The following HYDIN variants were observed in gnomAD, a reference collection of about 807,000 sequenced individuals.
HYDIN encodes the protein axonemal central pair apparatus protein HYDIN.
A neutral mutation model predicts 403.9 loss-of-function variants in HYDIN; 132 were observed. That is an observed-to-expected ratio of 0.33 (90% CI 0.28 to 0.38). The LOEUF (loss-of-function observed/expected upper bound fraction) is 0.38, where lower values mean the gene tolerates loss of function less well. Ranked by LOEUF, HYDIN falls within the 10% of genes least tolerant of loss-of-function variation. The probability of loss-of-function intolerance (pLI) is 1.00; values close to 1 mark genes in which losing one functional copy is unlikely to be tolerated. For missense variants in HYDIN, 2,827 were observed against 5,009.5 expected (o/e 0.56, Z 13.15); for synonymous variants, 1,202 against 1,891.7 (o/e 0.64, Z 9.46).
chr16:71,228,472 A>C (rs2041136950), intron 1 of HYDIN, among the ~76,000 whole-genome samples: 1 of 152,254 alleles, frequency 6.6e-6, no homozygotes, highest in Non-Finnish European at 1.5e-5. Context: ...CAAGAAAAAA[A>C]CAAACCCATC....
intron 4 of HYDIN, among the ~76,000 whole-genome samples, chr16:71,177,444 T>A (rs1382075676): frequency 6.6e-6 from 1 of 152,174 alleles, no homozygotes; most frequent in Non-Finnish European, 1.5e-5. Context: ...TTCTTTTCCT[T>A]CCCTTTCATT....
intron 5 of HYDIN, among the ~76,000 whole-genome samples, chr16:71,170,086 G>A (rs2086401155): frequency 6.6e-6 from 1 of 152,164 alleles, no homozygotes. Flanking sequence ...TTGGTAGCCA[G>A]AGTGGTCCTA....
At chr16:70,853,073 C>T (rs192318733) in intron 73 of HYDIN, among the ~76,000 whole-genome samples, 23 of 151,300 alleles carry the variant, frequency 1.5e-4, no homozygotes, top group Admixed American at 4.6e-4. Context: ...CTTAGCTACT[C>T]GGGAGGCTGA....
At position 70,862,271 on chromosome 16, in the gene HYDIN, G is replaced by A. The variant is rs374528893; in HGVS notation, c.11570-16C>T. On this transcript the variant is annotated splice_polypyrimidine_tract_variant and intron_variant, in intron 68 of 85. Transcript: ENST00000393567. The stretch of plus-strand genomic sequence containing the variant: ...TGAGCTGAACCTGGGGACAGACAGG[G>A]AGTGGGTGATATTCTGCATTTGCAG... 1 of 1,589,176 alleles carries A rather than the reference G, an allele frequency of 6.3e-7. No homozygotes were observed. Among genetic ancestry groups the A allele is most frequent in the Admixed American group, 1.7e-5 (1 of 58,040 alleles).
rs549105074 is a variant in HYDIN, at chr16:70,824,152, G to A, written c.14427+3109C>T. ...GCTTTTTATTCTTTGAAAAATGTTTGTTATTATTTTTAATTTCAATATGTA... is the reference window on the plus strand; with the variant it reads ...GCTTTTTATTCTTTGAAAAATGTTTATTATTATTTTTAATTTCAATATGTA... On this transcript the variant is annotated intron_variant, in intron 83 of 85. Transcript: ENST00000393567. 8.6e-4 allele frequency among the ~76,000 whole-genome samples: 129 copies of A among 149,870 alleles called. 1 individual carries two copies. Among genetic ancestry groups the A allele is most frequent in the African/African-American group, 3.1e-3 (127 of 40,936 alleles).
intron 5 of HYDIN, among the ~76,000 whole-genome samples, chr16:71,173,102 A>G (rs960345245): frequency 6.6e-6 from 1 of 152,236 alleles, no homozygotes; most frequent in African/African-American, 2.4e-5. Context: ...CAAAATGAGA[A>G]AACAACTCTG....
At chr16:70,836,663 A>C (rs572819055) in intron 77 of HYDIN, among the ~76,000 whole-genome samples, 1 of 152,192 alleles carries the variant, frequency 6.6e-6, no homozygotes, top group African/African-American at 2.4e-5. Flanking sequence ...CCCACTGGTC[A>C]CTGTCATGGT....
At chr16:71,197,474 T>C (rs1403015821) in intron 1 of HYDIN, among the ~76,000 whole-genome samples, 5 of 152,206 alleles carry the variant, frequency 3.3e-5, no homozygotes, top group Admixed American at 6.5e-5. Flanking sequence ...GAGCAGGTGA[T>C]AAATTTTAAT....
intron 23 of HYDIN, 147 bp from the exon 24 acceptor site, chr16:70,992,357 A>G: frequency 8.9e-7 from 1 of 1,125,924 alleles, no homozygotes; most frequent in Admixed American, 4.3e-5. Context: ...CCCTCCCTTG[A>G]ACTTGCCTTC....
chr16:70,954,533 G>T (rs1043185697), intron 40 of HYDIN, among the ~76,000 whole-genome samples: 1 of 150,864 alleles, frequency 6.6e-6, no homozygotes, highest in African/African-American at 2.4e-5. Flanking sequence ...TTCTTCTCCA[G>T]CAAACTTTTT....
intron 84 of HYDIN, chr16:70,817,516 T>C (rs2035916187): frequency 6.6e-6 from 1 of 152,134 alleles, no homozygotes; most frequent in Admixed American, 6.6e-5. Flanking sequence ...AGAAGAGAGT[T>C]GATAGAATCT....
intron 73 of HYDIN, 114 bp downstream of exon 73, chr16:70,855,014 T>C (rs1433464547): frequency 4.0e-6 from 3 of 754,994 alleles, no homozygotes; most frequent in Non-Finnish European, 4.4e-6. Flanking sequence ...TGTTATGATG[T>C]AATCTTAGAG....
intron 84 of HYDIN, among the ~76,000 whole-genome samples, chr16:70,816,236 A>G (rs2035832358): frequency 6.6e-6 from 1 of 152,186 alleles, no homozygotes; most frequent in South Asian, 2.1e-4. Context: ...CACATTCTAG[A>G]GAACTGAAAT....
intron 10 of HYDIN, among the ~76,000 whole-genome samples, chr16:71,102,492 G>A (rs2083487338): frequency 1.3e-5 from 2 of 151,720 alleles, no homozygotes; most frequent in South Asian, 4.2e-4. Context: ...ATAATAATAT[G>A]ATGTAAGTTG....
Position 70,943,886 on chromosome 16 carries a change from C to T in HYDIN, c.6595G>A (p.Gly2199Arg), listed in dbSNP as rs755397309. The change falls in exon 42 of 86, where the codon GGA becomes AGA. Residue 2199 changes from glycine to arginine, a missense_variant. Gly to Arg is a moderately radical substitution (Grantham distance 125). Coordinates refer to ENST00000393567, the MANE Select transcript of HYDIN (RefSeq NM_001270974.2). ...HRWLSVSPSV[G>R]GETGLMSCVL... ...CAGCTCATCAGCCCGGTCTCGCCTC[C>T]GACACTGGGACTAACACTGAGCCAG... is the stretch of plus-strand genomic sequence containing the variant. The T allele has an allele frequency of 2.8e-5, 45 of 1,613,504 alleles. No individual in the cohort carries two copies. The highest frequency in any genetic ancestry group is 2.0e-4 in the East Asian group (9 of 44,878).
chr16:70,964,427 C>T (rs2078510226), intron 37 of HYDIN, among the ~76,000 whole-genome samples: 2 of 151,726 alleles, frequency 1.3e-5, no homozygotes, highest in African/African-American at 4.8e-5. Flanking sequence ...AGTTTCTCAT[C>T]TGTACGTCCA....
chr16:70,825,540 G>C (rs1345426996), intron 83 of HYDIN, among the ~76,000 whole-genome samples: 1 of 142,888 alleles, frequency 7.0e-6, no homozygotes, highest in Non-Finnish European at 1.5e-5. Flanking sequence ...TTTTGAAACA[G>C]CTTTATTGAG....
intron 18 of HYDIN, among the ~76,000 whole-genome samples, chr16:71,058,269 A>AATG (rs2081965573): frequency 1.0e-5 from 1 of 97,100 alleles, no homozygotes; most frequent in Non-Finnish European, 2.1e-5. Flanking sequence ...AGCCATAAAA[A>AATG]ATGATGAGTT....
At chr16:71,216,086 C>T (rs1439789512) in intron 1 of HYDIN, among the ~76,000 whole-genome samples, 2 of 152,098 alleles carry the variant, frequency 1.3e-5, no homozygotes, top group African/African-American at 2.4e-5. Context: ...CTTAAAGATA[C>T]GTATGTTCTA....
Sources: gnomAD v4.1 joint callset for allele counts (sites outside exome capture counted in the v4.1 genomes callset) on GRCh38, gnomAD v4.1.1 for gene constraint, MANE v1.5 for transcripts, NCBI Gene and HGNC (gene_info 2026-07-23, HGNC 2026-07-21) for gene names.